NAV1: variants seen among roughly 807,000 people sequenced by gnomAD.
The protein encoded by NAV1 is neuron navigator 1, also known as pore membrane and/or filament interacting like protein 3.
Under a neutral mutation model 175.2 loss-of-function variants are expected in NAV1, and 18 were observed. That is an observed-to-expected ratio of 0.10 (90% CI 0.07 to 0.15). The LOEUF is 0.15. Ranked by LOEUF, NAV1 falls within the 10% of genes least tolerant of loss-of-function variation. The pLI, the probability that NAV1 is intolerant of heterozygous loss-of-function variation, is 1.00. For synonymous variants in NAV1, 897 were observed against 978.7 expected (o/e 0.92, Z 1.56); for missense variants, 1,731 against 2,436.6 (o/e 0.71, Z 6.10).
Position 201,718,887 on chromosome 1 carries a change from T to TACACA in NAV1, c.1226+132_1226+133insACACA. ...GCTGCTATGAAAGTACACAAAAGTG[T>TACACA]GCTGTGTACACTTTGTGATTGCCTC... On this transcript the variant is annotated intron_variant, in intron 3 of 29. Transcript: ENST00000367296. This position sits in a 1 kb window ranked among gnomAD's most constrained non-coding sequence, Gnocchi z 4.8. 7 of 1,182,980 alleles carry TACACA rather than the reference T, an allele frequency of 5.9e-6. No homozygotes were observed. The highest frequency in any genetic ancestry group is 8.4e-6 in the Non-Finnish European group (7 of 834,420). The allele number at this position is 1,182,980 out of a possible 1,614,324, so 73.3% of individuals were successfully genotyped here.
intron 3 of NAV1, among the ~76,000 whole-genome samples, chr1:201,736,478 CT>C (rs1673117916): frequency 6.6e-6 from 1 of 152,232 alleles, no homozygotes; most frequent in Admixed American, 6.5e-5. Context: ...CATAAACTAT[CT>C]TTCGATGTCT....
At position 201,702,684 on chromosome 1, in the gene NAV1, C is replaced by CTCTCTT. The variant is rs1571894526; in HGVS notation, c.758-10128_758-10127insTTCTCT. Among the ~76,000 whole-genome samples the CTCTCTT allele has an allele frequency of 8.3e-4, 101 of 121,294 alleles. 12 individuals carry two copies. Among genetic ancestry groups the CTCTCTT allele is most frequent in the African/African-American group, 3.1e-3 (96 of 31,316 alleles). 79.6% of individuals were successfully genotyped at this position (121,294 alleles called of 152,430 possible). On this transcript the variant is annotated intron_variant, in intron 1 of 29. Coordinates refer to ENST00000367296, the Ensembl canonical transcript of NAV1. Reference sequence around the variant, plus strand: ...TTTGGTATGTGAATTCTCTCTCTCTCTCTCTCTCTCTCTCTCTCTCTCTCT... The same window carrying CTCTCTT: ...TTTGGTATGTGAATTCTCTCTCTCTCTCTCTTTCTCTCTCTCTCTCTCTCTCTCTCT...
intron 3 of NAV1, among the ~76,000 whole-genome samples, chr1:201,762,072 A>G (rs943166901): frequency 3.9e-5 from 6 of 152,190 alleles, no homozygotes; most frequent in African/African-American, 1.4e-4. Flanking sequence ...AGGTGCGAGG[A>G]TCCCTTGAGC....
chr1:201,541,533 T>G (rs1458779437), intron 1 of NAV1, among the ~76,000 whole-genome samples: 3 of 152,190 alleles, frequency 2.0e-5, no homozygotes, highest in African/African-American at 7.2e-5. Context: ...CGGTGGCTCA[T>G]GCCCGTAAGA....
At chr1:201,580,125 T>G (rs773301027) in intron 1 of NAV1, among the ~76,000 whole-genome samples, 33 of 152,182 alleles carry the variant, frequency 2.2e-4, no homozygotes, top group Non-Finnish European at 4.0e-4. Context: ...GAGAGCAAAT[T>G]CACTTTTTTG....
At chr1:201,671,667 G>T (rs952489555) in intron 1 of NAV1, among the ~76,000 whole-genome samples, 1 of 152,190 alleles carries the variant, frequency 6.6e-6, no homozygotes, top group African/African-American at 2.4e-5. Flanking sequence ...TTGGGTGGAC[G>T]TCACTGGGAG....
At chr1:201,578,890 T>C (rs1434662985) in intron 1 of NAV1, among the ~76,000 whole-genome samples, 1 of 152,136 alleles carries the variant, frequency 6.6e-6, no homozygotes, top group Non-Finnish European at 1.5e-5. Flanking sequence ...CCCAGCACTT[T>C]GGGAGGCCGA....
chr1:201,546,598 T>C (rs1270307350), intron 1 of NAV1, among the ~76,000 whole-genome samples: 1 of 152,118 alleles, frequency 6.6e-6, no homozygotes, highest in Non-Finnish European at 1.5e-5. Flanking sequence ...ATAATATTTT[T>C]CTGAGCCACT....
chr1:201,682,886 G>T (rs1413702672), intron 1 of NAV1, among the ~76,000 whole-genome samples: 2 of 152,146 alleles, frequency 1.3e-5, no homozygotes, highest in Non-Finnish European at 2.9e-5. Context: ...AAGTTGCAAG[G>T]CTAGTACAGA....
At chr1:201,797,770 C>A (rs970452628) in intron 15 of NAV1, 3 of 152,092 alleles carry the variant, frequency 2.0e-5, no homozygotes, top group South Asian at 2.1e-4. Context: ...TTCTTAATTT[C>A]TCTTTTGAGT....
intron 1 of NAV1, among the ~76,000 whole-genome samples, chr1:201,584,329 G>C (rs1289157256): frequency 6.6e-6 from 1 of 152,170 alleles, no homozygotes; most frequent in Non-Finnish European, 1.5e-5. Context: ...CATATAGAGG[G>C]GGAAATGTAA....
In NAV1 at chr1:201,780,576, A is replaced by T; in HGVS notation, c.1365+17A>T. The T allele has an allele frequency of 6.2e-7, 1 of 1,614,102 alleles. No individual in the cohort carries two copies. The highest frequency in any genetic ancestry group is 8.5e-7 in the Non-Finnish European group (1 of 1,180,004). On this transcript the variant is annotated intron_variant, in intron 4 of 29. Coordinates refer to ENST00000367296, the Ensembl canonical transcript of NAV1. Reference sequence around the variant, plus strand: ...ACAATAGTGGTACGTGAGTTTGCAAACACCCAAGCTGCCATCTCAAGATGA... The same window carrying T: ...ACAATAGTGGTACGTGAGTTTGCAATCACCCAAGCTGCCATCTCAAGATGA...
intron 1 of NAV1, among the ~76,000 whole-genome samples, chr1:201,655,872 C>T (rs1324257026): frequency 6.6e-6 from 1 of 151,950 alleles, no homozygotes; most frequent in African/African-American, 2.4e-5. Flanking sequence ...AGACTTGATG[C>T]CTTTGGAATG....
intron 2 of NAV1, among the ~76,000 whole-genome samples, chr1:201,631,385 C>A (rs749725063): frequency 1.1e-4 from 16 of 152,222 alleles, no homozygotes; most frequent in Non-Finnish European, 2.2e-4. Flanking sequence ...CCCTCTCACT[C>A]CCAAAGTCAC....
intron 15 of NAV1, among the ~76,000 whole-genome samples, chr1:201,801,629 C>A (rs1005425281): frequency 6.6e-6 from 1 of 152,058 alleles, no homozygotes; most frequent in East Asian, 1.9e-4. Flanking sequence ...CCTAAAAAAT[C>A]TTTGACATTG....
chr1:201,552,118 C>T (rs2102454102), intron 1 of NAV1, among the ~76,000 whole-genome samples: 3 of 152,282 alleles, frequency 2.0e-5, no homozygotes, highest in Admixed American at 2.0e-4. Flanking sequence ...GAGCTGGCCA[C>T]AGAGACTGTG....
At chr1:201,709,862 G>GC (rs1429890381) in intron 1 of NAV1, among the ~76,000 whole-genome samples, 1 of 152,188 alleles carries the variant, frequency 6.6e-6, no homozygotes, top group African/African-American at 2.4e-5. Flanking sequence ...GTGATCTCCA[G>GC]CTAGTCCCTA....
chr1:201,593,746 C>G (rs936955273), intron 2 of NAV1, among the ~76,000 whole-genome samples: 2 of 152,194 alleles, frequency 1.3e-5, no homozygotes, highest in Admixed American at 6.5e-5. Flanking sequence ...TTTCCTCTCC[C>G]ACCATCAAAC....
chr1:201,699,476 G>A (rs894297287), intron 1 of NAV1, among the ~76,000 whole-genome samples: 39 of 152,270 alleles, frequency 2.6e-4, no homozygotes, highest in African/African-American at 9.1e-4. Flanking sequence ...CCATGCTCAT[G>A]GATAGGAAGA....
Sources: allele counts gnomAD v4.1 joint callset (sites outside exome capture counted in the v4.1 genomes callset), GRCh38; gene constraint gnomAD v4.1.1; non-coding constraint Gnocchi (gnomAD v3.1); transcripts MANE v1.5; gene names NCBI Gene and HGNC (gene_info 2026-07-23, HGNC 2026-07-21).